The following NRCAM variants were observed in gnomAD, a reference collection of about 807,000 sequenced individuals.
NRCAM encodes the protein neuronal cell adhesion molecule, also known as NgCAM-related cell adhesion molecule.
Under a neutral mutation model 156.5 loss-of-function variants are expected in NRCAM, and 83 were observed. That is an observed-to-expected ratio of 0.53 (90% CI 0.44 to 0.64). The LOEUF is 0.64. NRCAM is among the 30% of genes least tolerant of loss of function. The pLI is 0.00. For synonymous variants in NRCAM, 538 were observed against 563.9 expected (o/e 0.95, Z 0.65); for missense variants, 1,417 against 1,597.3 (o/e 0.89, Z 1.92).
chr7:108,263,361 C>T (rs142255361), intron 3 of NRCAM, among the ~76,000 whole-genome samples: 48 of 152,348 alleles, frequency 3.2e-4, no homozygotes, highest in African/African-American at 1.1e-3. Flanking sequence ...GAGAATAACA[C>T]TAACTCCAAA....
intron 15 of NRCAM, among the ~76,000 whole-genome samples, chr7:108,195,244 G>A (rs1415203712): frequency 6.6e-6 from 1 of 151,602 alleles, no homozygotes; most frequent in Non-Finnish European, 1.5e-5. Flanking sequence ...GATAGAGTGT[G>A]CTGCTAAATA....
chr7:108,376,957 G>T (rs2099678441), intron 2 of NRCAM, among the ~76,000 whole-genome samples: 1 of 152,148 alleles, frequency 6.6e-6, no homozygotes, highest in South Asian at 2.1e-4. Context: ...TTGAGCCCAG[G>T]AGTTCAAGAC....
chr7:108,274,480 T>C (rs976653843), intron 3 of NRCAM, among the ~76,000 whole-genome samples: 1 of 152,184 alleles, frequency 6.6e-6, no homozygotes, highest in Non-Finnish European at 1.5e-5. Context: ...GATTCCTAGG[T>C]ATTTTATTCT....
At chr7:108,189,053 C>A (rs2069270203) in intron 20 of NRCAM, among the ~76,000 whole-genome samples, 1 of 78,178 alleles carries the variant, frequency 1.3e-5, no homozygotes, top group Non-Finnish European at 3.3e-5. Flanking sequence ...ATCCTTATGA[C>A]ATTGTCCTTC....
rs372234122 is a variant in NRCAM at position 108,228,325 on chromosome 7, C to CAA, written c.551-1949_551-1948dup. Among the ~76,000 whole-genome samples, 740 of 144,084 alleles carry CAA rather than the reference C, an allele frequency of 5.1e-3. 8 individuals carry two copies. Among genetic ancestry groups the CAA allele is most frequent in the African/African-American group, 0.017 (683 of 39,502 alleles). 94.5% of individuals were successfully genotyped at this position (144,084 alleles called of 152,430 possible). A position where few individuals can be genotyped will look rare whatever the true frequency, so the allele number is the denominator to read the frequency against. On this transcript the variant is annotated intron_variant, in intron 8 of 32. Coordinates refer to ENST00000379028, the MANE Select transcript of NRCAM (RefSeq NM_001037132.4). ...TGACAGAGCGAGACTCCATCTAAAA[C>CAA]AAAAAAAAAAACCCTCAGAAGAATT...
chr7:108,388,725 T>A (rs910289635), intron 2 of NRCAM, among the ~76,000 whole-genome samples: 3 of 152,238 alleles, frequency 2.0e-5, no homozygotes, highest in Non-Finnish European at 4.4e-5. Flanking sequence ...CCATCTTGAA[T>A]TAATTTTTGT....
chr7:108,243,850 G>C (rs1402607001), intron 3 of NRCAM, among the ~76,000 whole-genome samples: 1 of 152,134 alleles, frequency 6.6e-6, no homozygotes. Context: ...ACAGAAGGGG[G>C]AAAAATTCCC....
intron 14 of NRCAM, 88 bp downstream of exon 14, chr7:108,197,868 G>T: frequency 2.0e-6 from 2 of 982,160 alleles, no homozygotes; most frequent in Non-Finnish European, 2.9e-6. Flanking sequence ...GCACATAGTA[G>T]ATGCTCAATA....
intron 2 of NRCAM, among the ~76,000 whole-genome samples, chr7:108,370,364 G>A (rs772204736): frequency 4.6e-5 from 7 of 151,992 alleles, no homozygotes; most frequent in African/African-American, 1.7e-4. Context: ...CAGATCCCTC[G>A]GAAATAGAAT....
intron 1 of NRCAM, among the ~76,000 whole-genome samples, chr7:108,408,830 G>A (rs1347408941): frequency 4.6e-5 from 7 of 152,184 alleles, no homozygotes; most frequent in African/African-American, 7.2e-5. Context: ...AAATGGAGCC[G>A]ACCCTCATTC....
chr7:108,429,450 C>A (rs947379481), intron 1 of NRCAM, among the ~76,000 whole-genome samples: 1 of 152,190 alleles, frequency 6.6e-6, no homozygotes, highest in African/African-American at 2.4e-5. Flanking sequence ...TCTTTGCCTC[C>A]CAAACTGTTG....
chr7:108,174,660 C>T (rs971248828), intron 28 of NRCAM, among the ~76,000 whole-genome samples: 2 of 152,232 alleles, frequency 1.3e-5, no homozygotes, highest in African/African-American at 2.4e-5. Context: ...TAAAGGAGAA[C>T]AAAATCCATT....
chr7:108,256,775 G>T (rs1206145723), intron 3 of NRCAM, among the ~76,000 whole-genome samples: 2 of 152,092 alleles, frequency 1.3e-5, no homozygotes, highest in African/African-American at 4.8e-5. Context: ...CAGCACCTTG[G>T]GAGGCCAAGG....
At chr7:108,397,738 T>C (rs531497436) in intron 2 of NRCAM, among the ~76,000 whole-genome samples, 4 of 152,378 alleles carry the variant, frequency 2.6e-5, no homozygotes, top group African/African-American at 9.6e-5. Flanking sequence ...ATAATTGCTG[T>C]AGCTATTGTG....
intron 3 of NRCAM, among the ~76,000 whole-genome samples, chr7:108,303,002 C>G (rs1323769306): frequency 6.6e-6 from 1 of 152,148 alleles, no homozygotes; most frequent in South Asian, 2.1e-4. Flanking sequence ...TGCTCTGCAG[C>G]CCAGGTTGGA....
chr7:108,412,765 T>C (rs1286750787), intron 1 of NRCAM, among the ~76,000 whole-genome samples: 1 of 152,210 alleles, frequency 6.6e-6, no homozygotes, highest in Non-Finnish European at 1.5e-5. Flanking sequence ...ATCAGCTTTT[T>C]AAAGATTCTA....
At chr7:108,247,736 C>T (rs866722902) in intron 3 of NRCAM, among the ~76,000 whole-genome samples, 5 of 151,982 alleles carry the variant, frequency 3.3e-5, no homozygotes, top group African/African-American at 1.2e-4. Flanking sequence ...TATTGTTAGT[C>T]TATCCCTCCT....
At chr7:108,294,192 G>GTTTTTTTTTTTTTT (rs1563141911) in intron 3 of NRCAM, among the ~76,000 whole-genome samples, 1 of 115,774 alleles carries the variant, frequency 8.6e-6, no homozygotes, top group African/African-American at 3.0e-5. Context: ...TTTCTTTACT[G>GTTTTTTTTTTTTTT]GTTTTTTTTT....
intron 1 of NRCAM, among the ~76,000 whole-genome samples, chr7:108,418,824 C>T (rs371828663): frequency 2.0e-5 from 3 of 151,916 alleles, no homozygotes; most frequent in African/African-American, 7.3e-5. Flanking sequence ...TTTATTTGAC[C>T]ATCAGTGTAT....
Sources: allele counts gnomAD v4.1 joint callset (sites outside exome capture counted in the v4.1 genomes callset), GRCh38; gene constraint gnomAD v4.1.1; transcripts MANE v1.5; gene names NCBI Gene and HGNC (gene_info 2026-07-23, HGNC 2026-07-21).